NEK5: variants seen among roughly 807,000 people sequenced by gnomAD.
NEK5 encodes the protein serine/threonine-protein kinase Nek5.
Under a neutral mutation model 109.2 loss-of-function variants are expected in NEK5, and 88 were observed. That is an observed-to-expected ratio of 0.81 (90% CI 0.68 to 0.96). NEK5 has a LOEUF of 0.96. NEK5 is among the 40% of genes least tolerant of loss of function. NEK5 has a pLI of 0.00. For synonymous variants in NEK5, 283 were observed against 299.9 expected (o/e 0.94, Z 0.58); for missense variants, 834 against 920.7 (o/e 0.91, Z 1.22).
intron 4 of NEK5, among the ~76,000 whole-genome samples, chr13:52,113,107 T>A (rs73500153): frequency 0.098 from 14,878 of 152,058 alleles, 698 homozygotes; most frequent in Admixed American, 0.12. Flanking sequence ...GAGGACTCAG[T>A]AAAAGTGAGT....
chr13:52,069,249 G>A (rs913501191), intron 20 of NEK5, among the ~76,000 whole-genome samples: 2 of 152,092 alleles, frequency 1.3e-5, no homozygotes, highest in Non-Finnish European at 2.9e-5. Context: ...CTCCTGAAGG[G>A]CCAAATCCCA....
chr13:52,065,951 G>A (rs939578217), intron 20 of NEK5, among the ~76,000 whole-genome samples: 9 of 151,794 alleles, frequency 5.9e-5, no homozygotes, highest in African/African-American at 1.9e-4. Context: ...AAAATAACTT[G>A]TTCTGTCTTT....
At chr13:52,093,809 G>A (rs552525531) in intron 12 of NEK5, among the ~76,000 whole-genome samples, 51 of 152,138 alleles carry the variant, frequency 3.4e-4, no homozygotes, top group Admixed American at 5.2e-4. Context: ...AAAATACTTA[G>A]CTAGTGAGTA....
intron 3 of NEK5, 90 bp downstream of exon 3, chr13:52,127,276 T>C (rs1956082454): frequency 4.0e-6 from 3 of 746,814 alleles, no homozygotes; most frequent in African/African-American, 1.8e-5. Context: ...AATTCGAAAT[T>C]ATAAAAAATA....
chr13:52,099,922 CA>C (rs758418323), intron 11 of NEK5, 46 bp from the exon 12 acceptor site: 273 of 1,429,420 alleles, frequency 1.9e-4, no homozygotes, highest in Admixed American at 7.3e-4. Context: ...AAAAATTGTA[CA>C]CCATTAATAC....
intron 21 of NEK5, among the ~76,000 whole-genome samples, chr13:52,063,149 T>C (rs1305650645): frequency 6.6e-6 from 1 of 151,926 alleles, no homozygotes; most frequent in Non-Finnish European, 1.5e-5. Flanking sequence ...ACTGTTGCCA[T>C]CTCGGCTCAC....
rs1236265106 is a variant in NEK5 at position 52,064,000 on chromosome 13, G to T, written c.1975+1484C>A. Among the ~76,000 whole-genome samples, 29 of 142,514 alleles carry T rather than the reference G, an allele frequency of 2.0e-4. 1 individual carries two copies. The highest frequency in any genetic ancestry group is 4.0e-4 in the Non-Finnish European group (26 of 64,518). The allele number at this position is 142,514 out of a possible 152,430, so 93.5% of individuals were successfully genotyped here. A position where few individuals can be genotyped will look rare whatever the true frequency, so the allele number is the denominator to read the frequency against. On this transcript the variant is annotated intron_variant, in intron 21 of 23. Coordinates refer to ENST00000684899, the MANE Select transcript of NEK5 (RefSeq NM_001365552.1). ...CCACCCCGTCCGGGAGGGAGGTGGG[G>T]GGGGGGGTCAGCCCCCCGCCCGGCC...
At chr13:52,088,314 G>T (rs1955199466) in intron 14 of NEK5, among the ~76,000 whole-genome samples, 1 of 151,696 alleles carries the variant, frequency 6.6e-6, no homozygotes, top group Admixed American at 6.6e-5. Flanking sequence ...GAGTGCAGTA[G>T]GGCGATCTCG....
intron 17 of NEK5, among the ~76,000 whole-genome samples, chr13:52,081,847 A>G (rs1955019298): frequency 6.6e-6 from 1 of 152,242 alleles, no homozygotes; most frequent in African/African-American, 2.4e-5. Context: ...TGTGAGAGAA[A>G]AACATGTCTG....
Position 52,102,077 on chromosome 13 carries a change from C to T in NEK5, c.810+15G>A, listed in dbSNP as rs371669879. ...AAATCTCTGCCAAAATCCAAACAGT[C>T]ACCTCAAAACTTACCTCAGGAGTCA... On this transcript the variant is annotated intron_variant, in intron 10 of 23. Coordinates refer to ENST00000684899, the MANE Select transcript of NEK5 (RefSeq NM_001365552.1). 3.7e-6 allele frequency: 6 copies of T among 1,612,828 alleles called. No homozygotes were observed. The highest frequency in any genetic ancestry group is 5.1e-6 in the Non-Finnish European group (6 of 1,178,876).
intron 4 of NEK5, among the ~76,000 whole-genome samples, chr13:52,114,210 T>C (rs189846452): frequency 2.0e-5 from 3 of 152,324 alleles, no homozygotes; most frequent in Non-Finnish European, 2.9e-5. Flanking sequence ...CTTAAATGTT[T>C]GTTGAGTGGA....
intron 22 of NEK5, 82 bp downstream of exon 22, chr13:52,061,737 A>AT (rs1162230168): frequency 2.0e-6 from 1 of 505,080 alleles, no homozygotes; most frequent in Non-Finnish European, 2.6e-6. Context: ...AGCTGAAGGT[A>AT]TTTTTATCCC....
chr13:52,125,143 C>T (rs970585639), intron 3 of NEK5, among the ~76,000 whole-genome samples: 3 of 152,106 alleles, frequency 2.0e-5, no homozygotes, highest in African/African-American at 4.8e-5. Flanking sequence ...ATTGTGATAC[C>T]GAGCCTCCAA....
chr13:52,065,448 T>TCCC, intron 21 of NEK5, 36 bp downstream of exon 21: 1 of 1,614,138 alleles, frequency 6.2e-7, no homozygotes, highest in Non-Finnish European at 8.5e-7. Context: ...TCCTTGGTCT[T>TCCC]CCCTTCCTGA....
chr13:52,097,454 C>T (rs1955440252), intron 12 of NEK5, among the ~76,000 whole-genome samples: 1 of 152,208 alleles, frequency 6.6e-6, no homozygotes, highest in Non-Finnish European at 1.5e-5. Flanking sequence ...ACTCCTCACA[C>T]CAGTATGCCC....
intron 6 of NEK5, 33 bp from the exon 7 acceptor site, chr13:52,110,443 G>A (rs778370461): frequency 6.2e-7 from 1 of 1,602,342 alleles, no homozygotes; most frequent in Non-Finnish European, 8.6e-7. Context: ...GTTGTTTGAG[G>A]TACTTCAAGA....
At chr13:52,091,269 T>A (rs996071862) in intron 13 of NEK5, among the ~76,000 whole-genome samples, 4 of 152,204 alleles carry the variant, frequency 2.6e-5, no homozygotes, top group African/African-American at 9.6e-5. Context: ...GAAGATATAT[T>A]TTCCCAGTGG....
chr13:52,109,319 G>A (rs1955713988), intron 7 of NEK5, among the ~76,000 whole-genome samples: 1 of 152,104 alleles, frequency 6.6e-6, no homozygotes, highest in African/African-American at 2.4e-5. Flanking sequence ...CAGTTGACCA[G>A]CATTAACATT....
chr13:52,125,078 A>T (rs113653286), intron 3 of NEK5, among the ~76,000 whole-genome samples: 3 of 152,314 alleles, frequency 2.0e-5, no homozygotes, highest in African/African-American at 7.2e-5. Context: ...TAGGAGGTGA[A>T]GTGGGTCTGC....
Sources: gnomAD v4.1 joint callset for allele counts (sites outside exome capture counted in the v4.1 genomes callset) on GRCh38, gnomAD v4.1.1 for gene constraint, MANE v1.5 for transcripts, NCBI Gene and HGNC (gene_info 2026-07-23, HGNC 2026-07-21) for gene names.